Variants in METTL24 observed in about 807,000 individuals in gnomAD.
The protein encoded by METTL24 is probable methyltransferase-like protein 24.
A neutral mutation model predicts 32.7 loss-of-function variants in METTL24; 29 were observed. That is an observed-to-expected ratio of 0.89 (90% CI 0.66 to 1.21). The LOEUF is 1.21. METTL24 is among the 50% of genes most tolerant of loss of function. The probability of loss-of-function intolerance (pLI) is 0.00; values close to 1 mark genes in which losing one functional copy is unlikely to be tolerated. For missense variants in METTL24, 439 were observed against 468.1 expected, an observed-to-expected ratio of 0.94 and a Z score of 0.57; for synonymous variants, 163 against 179.5, an observed-to-expected ratio of 0.91 and a Z score of 0.73.
chr6:110,294,747 C>T (rs939855473), intron 4 of METTL24, among the ~76,000 whole-genome samples: 1 of 151,906 alleles, frequency 6.6e-6, no homozygotes, highest in Non-Finnish European at 1.5e-5. Flanking sequence ...CAAAGGAGAG[C>T]TAGCATGGCA....
At chr6:110,331,387 G>A (rs973952250) in intron 1 of METTL24, among the ~76,000 whole-genome samples, 1 of 151,986 alleles carries the variant, frequency 6.6e-6, no homozygotes, top group African/African-American at 2.4e-5. Context: ...GGCCAGGCAC[G>A]ATGGCACACA....
At chr6:110,255,205 T>C (rs1190619621) in intron 4 of METTL24, among the ~76,000 whole-genome samples, 2 of 152,080 alleles carry the variant, frequency 1.3e-5, no homozygotes, top group African/African-American at 2.4e-5. Flanking sequence ...CAAAAATGAC[T>C]CCTGCAGGGA....
intron 4 of METTL24, among the ~76,000 whole-genome samples, chr6:110,262,488 C>CA (rs1043618222): frequency 3.3e-5 from 5 of 151,470 alleles, no homozygotes; most frequent in Non-Finnish European, 7.4e-5. Flanking sequence ...GCTTACCAAC[C>CA]AAAAAAAAGT....
At chr6:110,252,519 C>A (rs1451458123) in intron 4 of METTL24, among the ~76,000 whole-genome samples, 1 of 152,208 alleles carries the variant, frequency 6.6e-6, no homozygotes, top group Non-Finnish European at 1.5e-5. Context: ...GGGCTTCAAT[C>A]TATGAATTTC....
intron 4 of METTL24, among the ~76,000 whole-genome samples, chr6:110,271,888 C>T (rs1463740468): frequency 7.2e-5 from 11 of 152,116 alleles, no homozygotes; most frequent in Non-Finnish European, 1.6e-4. Flanking sequence ...TCTTTCTAGA[C>T]AAAAACCCAG....
intron 2 of METTL24, among the ~76,000 whole-genome samples, chr6:110,317,412 A>G (rs1011440032): frequency 6.6e-6 from 1 of 152,140 alleles, no homozygotes; most frequent in Non-Finnish European, 1.5e-5. Flanking sequence ...TTGCTAATCT[A>G]GTTAGTCAGA....
At chr6:110,317,304 G>C (rs1164915557) in intron 2 of METTL24, among the ~76,000 whole-genome samples, 1 of 152,172 alleles carries the variant, frequency 6.6e-6, no homozygotes, top group Non-Finnish European at 1.5e-5. Flanking sequence ...ATGTTAATTT[G>C]ATAATTCATC....
At chr6:110,336,212 G>A (rs1487477763) in intron 1 of METTL24, among the ~76,000 whole-genome samples, 1 of 152,198 alleles carries the variant, frequency 6.6e-6, no homozygotes, top group African/African-American at 2.4e-5. Context: ...GAGTGGCAGT[G>A]GTATATGTAA....
At chr6:110,263,628 T>C (rs1339507583) in intron 4 of METTL24, among the ~76,000 whole-genome samples, 1 of 152,126 alleles carries the variant, frequency 6.6e-6, no homozygotes. Flanking sequence ...TACTTTAAAG[T>C]TCATGTGGAA....
At chr6:110,268,553 C>G (rs138267107) in intron 4 of METTL24, among the ~76,000 whole-genome samples, 2 of 152,144 alleles carry the variant, frequency 1.3e-5, no homozygotes, top group Non-Finnish European at 2.9e-5. Flanking sequence ...TGGGGGTAAG[C>G]GGCAGAAATC....
At chr6:110,313,920 C>T (rs1378095018) in intron 3 of METTL24, among the ~76,000 whole-genome samples, 1 of 152,210 alleles carries the variant, frequency 6.6e-6, no homozygotes, top group African/African-American at 2.4e-5. Flanking sequence ...TACACCATTG[C>T]TCTTCATTTA....
In METTL24 at chr6:110,246,066, C is replaced by T; in HGVS notation, c.981G>A (p.Lys327=). The part of the protein sequence containing the change: ...WYSLLKELEQ[K]DFRLFHSYKD... ...TGTAACTGTGAAAAAGCCTGAAATC[C>T]TTTTGTTCTAACTCTTTGAGAAGGC... Residue 327 remains lysine (K), a synonymous_variant, in exon 5 of 5, where the codon AAG becomes AAA. Coordinates refer to ENST00000338882, the MANE Select transcript of METTL24 (RefSeq NM_001123364.3). 1 of 1,614,104 alleles carries T rather than the reference C, an allele frequency of 6.2e-7. No homozygotes were observed. Among genetic ancestry groups the T allele is most frequent in the Non-Finnish European group, 8.5e-7 (1 of 1,180,024 alleles).
intron 3 of METTL24, among the ~76,000 whole-genome samples, chr6:110,303,552 G>C (rs1209928461): frequency 6.6e-6 from 1 of 152,222 alleles, no homozygotes; most frequent in Non-Finnish European, 1.5e-5. Flanking sequence ...CCTCTGGGAA[G>C]TTTGGACTGG....
At chr6:110,353,072 G>A (rs1477983432) in intron 1 of METTL24, among the ~76,000 whole-genome samples, 1 of 152,162 alleles carries the variant, frequency 6.6e-6, no homozygotes. Context: ...TACGGGGTTT[G>A]GAAAAAGTGC....
chr6:110,332,636 G>A (rs1057148637), intron 1 of METTL24: 4 of 229,494 alleles, frequency 1.7e-5, no homozygotes, highest in Non-Finnish European at 2.9e-5. Context: ...GGCCAGGCAC[G>A]GTGGTTCAGG....
chr6:110,311,794 C>T (rs1329581407), intron 3 of METTL24, among the ~76,000 whole-genome samples: 3 of 152,008 alleles, frequency 2.0e-5, no homozygotes, highest in Non-Finnish European at 4.4e-5. Context: ...CGCCTGGCCC[C>T]AAAGTTAATT....
At chr6:110,354,034 T>G (rs1475627826) in intron 1 of METTL24, among the ~76,000 whole-genome samples, 2 of 152,070 alleles carry the variant, frequency 1.3e-5, no homozygotes, top group Non-Finnish European at 2.9e-5. Flanking sequence ...TATGCGAAAT[T>G]TGGAGATGAA....
Position 110,358,012 on chromosome 6 carries a change from G to A in METTL24, c.261C>T (p.Gly87=), listed in dbSNP as rs1256916036. 20 of 1,156,054 alleles carry A rather than the reference G, an allele frequency of 1.7e-5. No homozygotes were observed. Among genetic ancestry groups the A allele is most frequent in the Non-Finnish European group, 2.0e-5 (19 of 939,870 alleles). 71.6% of individuals were successfully genotyped at this position (1,156,054 alleles called of 1,614,324 possible). A position where few individuals can be genotyped will look rare whatever the true frequency, so the allele number is the denominator to read the frequency against. ...AGCCAGGCTCCGGCGTCCCGCTCCC[G>A]CCGCCCCCCGGCGGCGCCCGGCGAC... The part of the protein sequence containing the change: ...RSGRRAPPGG[G]GSGTPEPGCC... The change falls in exon 1 of 5, where the codon GGC becomes GGT. Residue 87 remains glycine (G), a synonymous_variant. Transcript: ENST00000338882.
chr6:110,354,187 G>GA (rs1320605349), intron 1 of METTL24, among the ~76,000 whole-genome samples: 18 of 152,184 alleles, frequency 1.2e-4, no homozygotes, highest in African/African-American at 4.3e-4. Flanking sequence ...AACCCCTGAT[G>GA]TCGAAAGATC....
Sources: gnomAD v4.1 joint callset for allele counts (sites outside exome capture counted in the v4.1 genomes callset) on GRCh38, gnomAD v4.1.1 for gene constraint, MANE v1.5 for transcripts, NCBI Gene and HGNC (gene_info 2026-07-23, HGNC 2026-07-21) for gene names.